The following CIBAR1 variants were observed in gnomAD, a reference collection of about 807,000 sequenced individuals.
The protein encoded by CIBAR1 is CBY1 interacting BAR domain containing 1, also known as CBY1-interacting BAR domain-containing protein 1.
A neutral mutation model predicts 44.0 loss-of-function variants in CIBAR1; 25 were observed. That is an observed-to-expected ratio of 0.57 (90% CI 0.41 to 0.79). The LOEUF is 0.79. Among genes scored for constraint, CIBAR1 ranks in the 30% least tolerant of loss-of-function variants. The probability of loss-of-function intolerance (pLI) is 0.00; values close to 1 mark genes in which losing one functional copy is unlikely to be tolerated. For missense variants in CIBAR1, 278 were observed against 344.8 expected, an observed-to-expected ratio of 0.81 and a Z score of 1.53; for synonymous variants, 115 against 119.0, an observed-to-expected ratio of 0.97 and a Z score of 0.22.
At chr8:93,727,836 G>A (rs1811596523) in intron 8 of CIBAR1, among the ~76,000 whole-genome samples, 1 of 152,270 alleles carries the variant, frequency 6.6e-6, no homozygotes, top group Non-Finnish European at 1.5e-5. Context: ...CTGTCCCACT[G>A]CCTAGCTGAA....
At chr8:93,709,991 T>C (rs1324592256) in intron 6 of CIBAR1, 116 bp downstream of exon 6, 2 of 736,092 alleles carry the variant, frequency 2.7e-6, no homozygotes, top group Non-Finnish European at 4.4e-6. Context: ...AAAGAAAATA[T>C]GATAAATAAG....
intron 6 of CIBAR1, among the ~76,000 whole-genome samples, chr8:93,717,524 A>G (rs1811079748): frequency 2.0e-5 from 3 of 152,208 alleles, no homozygotes; most frequent in Non-Finnish European, 2.9e-5. Flanking sequence ...ACTGACGTAT[A>G]TCACTGAGTA....
At chr8:93,724,208 G>A (rs1334352364) in intron 7 of CIBAR1, among the ~76,000 whole-genome samples, 1 of 152,202 alleles carries the variant, frequency 6.6e-6, no homozygotes, top group Non-Finnish European at 1.5e-5. Flanking sequence ...AAGTGACAGT[G>A]GGTCCCTGTC....
At chr8:93,709,572 T>A in intron 5 of CIBAR1, 199 bp from the exon 6 acceptor site, 2 of 496,588 alleles carry the variant, frequency 4.0e-6, no homozygotes, top group Non-Finnish European at 7.3e-6. Flanking sequence ...AGATCATGAA[T>A]CATATCACTA....
intron 6 of CIBAR1, among the ~76,000 whole-genome samples, chr8:93,713,582 T>G (rs1005461926): frequency 6.6e-6 from 1 of 152,244 alleles, no homozygotes; most frequent in Admixed American, 6.5e-5. Context: ...TCATGAATAT[T>G]TATTCCTATG....
At chr8:93,722,878 G>A (rs1811320610) in intron 7 of CIBAR1, among the ~76,000 whole-genome samples, 1 of 152,122 alleles carries the variant, frequency 6.6e-6, no homozygotes, top group African/African-American at 2.4e-5. Flanking sequence ...TATCCCAAGG[G>A]TTACATACTG....
chr8:93,727,275 T>C, intron 8 of CIBAR1: 2 of 1,044,386 alleles, frequency 1.9e-6, no homozygotes, highest in Non-Finnish European at 1.3e-6. Flanking sequence ...TCTATTTTCA[T>C]TTGATTCTCC....
intron 6 of CIBAR1, among the ~76,000 whole-genome samples, chr8:93,711,210 T>C (rs2130320237): frequency 6.6e-6 from 1 of 152,300 alleles, no homozygotes; most frequent in South Asian, 2.1e-4. Flanking sequence ...AGACTAAAAC[T>C]CATCTAAGGC....
At chr8:93,703,518 T>G in intron 2 of CIBAR1, 102 bp from the exon 3 acceptor site, 2 of 662,946 alleles carry the variant, frequency 3.0e-6, no homozygotes, top group Non-Finnish European at 4.9e-6. Context: ...TAATGTGTTT[T>G]GAGTTTAGAT....
chr8:93,701,296 C>T lies in CIBAR1; in HGVS notation c.99C>T (p.Ile33=), dbSNP rs2976367. Residue 33 remains isoleucine, a synonymous_variant, in exon 2 of 9, where the codon ATC becomes ATT. Coordinates refer to ENST00000518322, the MANE Select transcript of CIBAR1 (RefSeq NM_145269.5). The part of the protein sequence containing the change: ...VEKHFGELCQ[I]FAAYVRKTAR... ...AGCATTTTGGAGAACTGTGCCAAATCTTCGCTGCCTATGTGCGGAAAACTG... is the reference window on the plus strand; with the variant it reads ...AGCATTTTGGAGAACTGTGCCAAATTTTCGCTGCCTATGTGCGGAAAACTG... 6.9e-5 allele frequency: 111 copies of T among 1,613,738 alleles called. No homozygotes were observed. Among genetic ancestry groups the T allele is most frequent in the Non-Finnish European group, 9.1e-5 (107 of 1,179,852 alleles).
At chr8:93,722,044 A>C (rs932135573) in intron 7 of CIBAR1, among the ~76,000 whole-genome samples, 20 of 152,210 alleles carry the variant, frequency 1.3e-4, no homozygotes, top group African/African-American at 4.3e-4. Context: ...ATGGAAAAAA[A>C]CAAAAACAAA....
At chr8:93,728,091 A>T in intron 8 of CIBAR1, 114 bp from the exon 9 acceptor site, 2 of 505,620 alleles carry the variant, frequency 4.0e-6, no homozygotes, top group Non-Finnish European at 6.4e-6. Flanking sequence ...TATGACATGG[A>T]CATTTTTTTG....
chr8:93,713,659 A>G (rs534250791), intron 6 of CIBAR1, among the ~76,000 whole-genome samples: 4 of 152,270 alleles, frequency 2.6e-5, no homozygotes, highest in African/African-American at 9.6e-5. Context: ...ATTTTTATAT[A>G]TGGTTAAATT....
intron 4 of CIBAR1, among the ~76,000 whole-genome samples, chr8:93,706,541 T>C (rs576717339): frequency 1.3e-5 from 2 of 152,290 alleles, no homozygotes; most frequent in African/African-American, 2.4e-5. Context: ...TCCTGAGTAG[T>C]TGGCAAGATT....
intron 6 of CIBAR1, among the ~76,000 whole-genome samples, chr8:93,713,157 C>A (rs1810900264): frequency 6.6e-6 from 1 of 151,786 alleles, no homozygotes; most frequent in African/African-American, 2.4e-5. Context: ...CTCAGCCTCC[C>A]AAGTAGCTGG....
At chr8:93,707,860 C>A in intron 4 of CIBAR1, 151 bp from the exon 5 acceptor site, 1 of 449,440 alleles carries the variant, frequency 2.2e-6, no homozygotes, top group Non-Finnish European at 3.8e-6. Context: ...GTTGAATGAA[C>A]TGAATTACAT....
At chr8:93,709,948 A>T in intron 6 of CIBAR1, 73 bp downstream of exon 6, 2 of 1,206,554 alleles carry the variant, frequency 1.7e-6, no homozygotes, top group Non-Finnish European at 2.3e-6. Flanking sequence ...AATTTAAATT[A>T]CTCTAAATTT....
At chr8:93,707,064 T>TA (rs1810621372) in intron 4 of CIBAR1, 2 of 208,124 alleles carry the variant, frequency 9.6e-6, no homozygotes, top group South Asian at 1.2e-4. Context: ...GTGTGAGAAA[T>TA]ACCAATCTGG....
intron 7 of CIBAR1, among the ~76,000 whole-genome samples, chr8:93,723,217 C>T (rs1287059858): frequency 2.6e-5 from 4 of 152,146 alleles, no homozygotes; most frequent in African/African-American, 7.2e-5. Flanking sequence ...AGGATGGTCT[C>T]GATCTCCTGA....
Sources: allele counts gnomAD v4.1 joint callset (sites outside exome capture counted in the v4.1 genomes callset), GRCh38; gene constraint gnomAD v4.1.1; transcripts MANE v1.5; gene names NCBI Gene and HGNC (gene_info 2026-07-23, HGNC 2026-07-21).